The following XXYLT1 variants were observed in gnomAD, a reference collection of about 807,000 sequenced individuals.
XXYLT1 encodes UDP-xylose:alpha-xyloside alpha-1,3-xylosyltransferase.
XXYLT1 carries 20 observed loss-of-function variants against 28.9 expected under a neutral mutation model. The observed-to-expected ratio is 0.69, with a 90% CI of 0.49 to 1.00. XXYLT1 has a LOEUF of 1.00. Ranked by LOEUF, XXYLT1 falls within the 50% of genes least tolerant of loss-of-function variation. XXYLT1 has a pLI of 0.00. For missense variants in XXYLT1, 542 were observed against 560.1 expected (o/e 0.97, Z 0.33); for synonymous variants, 257 against 253.8 (o/e 1.01, Z -0.12).
At chr3:195,117,597 G>C (rs991437240) in intron 3 of XXYLT1, among the ~76,000 whole-genome samples, 1 of 151,870 alleles carries the variant, frequency 6.6e-6, no homozygotes, top group African/African-American at 2.4e-5. Context: ...ATTTGGTGTG[G>C]AGTAGGGGTC....
chr3:195,243,373 G>A (rs1724868504), intron 1 of XXYLT1, among the ~76,000 whole-genome samples: 1 of 150,824 alleles, frequency 6.6e-6, no homozygotes, highest in African/African-American at 2.4e-5. Flanking sequence ...AAAAAAAAGA[G>A]ATGGTTCGGG....
Position 195,072,887 on chromosome 3 carries a change from A to G in XXYLT1, c.786-2776T>C, listed in dbSNP as rs140933118. On this transcript the variant is annotated intron_variant, in intron 3 of 3. Transcript: ENST00000310380. ...AGGAATCGCATCAGCCTCGGGGTAG[A>G]AGGAATGGTACGGGGTGTGGACAGT... Among the ~76,000 whole-genome samples, 182 of 152,270 alleles carry G rather than the reference A, an allele frequency of 1.2e-3. 1 individual carries two copies. The highest frequency in any genetic ancestry group is 4.2e-3 in the African/African-American group (174 of 41,558).
At chr3:195,164,508 C>T (rs375477692) in intron 2 of XXYLT1, among the ~76,000 whole-genome samples, 2 of 152,336 alleles carry the variant, frequency 1.3e-5, no homozygotes, top group Non-Finnish European at 1.5e-5. Context: ...GCCTTGCCTC[C>T]CTGCATTTGT....
rs559934815 is a variant in XXYLT1 at position 195,167,747 on chromosome 3, G to C, written c.653-11166C>G. Among the ~76,000 whole-genome samples, 7 of 152,168 alleles carry C rather than the reference G, an allele frequency of 4.6e-5. No homozygotes were observed. In the East Asian group the frequency reaches 1.4e-3, roughly 29 times the overall value. On this transcript the variant is annotated intron_variant, in intron 2 of 3. Transcript: ENST00000310380. ...TGGGATCACCCACTTACGGTAGGTTGTGCCAAGCATATTGTTCCCTTCTAG... is the reference window on the plus strand; with the variant it reads ...TGGGATCACCCACTTACGGTAGGTTCTGCCAAGCATATTGTTCCCTTCTAG...
chr3:195,125,540 G>T (rs529269302), intron 3 of XXYLT1, among the ~76,000 whole-genome samples: 4 of 152,238 alleles, frequency 2.6e-5, no homozygotes, highest in Admixed American at 6.5e-5. Context: ...CCCAGGAAGG[G>T]CAGCAAAGGG....
chr3:195,246,437 G>A (rs1021248970), intron 1 of XXYLT1, among the ~76,000 whole-genome samples: 1 of 152,224 alleles, frequency 6.6e-6, no homozygotes, highest in Non-Finnish European at 1.5e-5. Context: ...AATACACAGT[G>A]TGTCTGTCTT....
intron 3 of XXYLT1, among the ~76,000 whole-genome samples, chr3:195,105,153 T>TACTATCACAA: frequency 6.6e-6 from 1 of 152,218 alleles, no homozygotes; most frequent in South Asian, 2.1e-4. Context: ...ATCACAAGAA[T>TACTATCACAA]GATAAAACCA....
chr3:195,070,055 G>T lies in XXYLT1; in HGVS notation c.842C>A (p.Pro281His). 6.3e-7 allele frequency: 1 copy of T among 1,597,106 alleles called. No homozygotes were observed. Among genetic ancestry groups the T allele is most frequent in the East Asian group, 2.2e-5 (1 of 44,864 alleles). ...GTTGAAGCCCGGCAGCCCCTCGGGGGGCGGGCCCCCAACCCGGGTCTGGGG... is the reference window on the plus strand; with the variant it reads ...GTTGAAGCCCGGCAGCCCCTCGGGGTGCGGGCCCCCAACCCGGGTCTGGGG... ...ENPQTRVGGPPPEGLPGFNSG... is the reference protein window; with the variant it reads ...ENPQTRVGGPHPEGLPGFNSG... Residue 281 changes from proline to histidine, a missense_variant, in exon 4 of 4, where the codon CCC becomes CAC. Pro to His is a moderately conservative substitution (Grantham distance 77). Transcript: ENST00000310380.
chr3:195,105,500 A>G (rs148917530), intron 3 of XXYLT1, among the ~76,000 whole-genome samples: 228 of 152,342 alleles, frequency 1.5e-3, no homozygotes, highest in African/African-American at 3.7e-3. Context: ...TGAAGTCCAC[A>G]GCAGGACTCA....
At chr3:195,111,998 T>A (rs995120600) in intron 3 of XXYLT1, among the ~76,000 whole-genome samples, 12 of 152,204 alleles carry the variant, frequency 7.9e-5, no homozygotes, top group African/African-American at 2.4e-4. Context: ...GGAACTCATT[T>A]CTTCTACAGT....
rs560792260 is a variant in XXYLT1, at chr3:195,184,225, A to C, written c.653-27644T>G. Reference sequence around the variant, plus strand: ...CCTTTTATTAAGAGTGAGTTAATTCAGTGCAAAAGAACAATGGACAAGCTT... The same window carrying C: ...CCTTTTATTAAGAGTGAGTTAATTCCGTGCAAAAGAACAATGGACAAGCTT... On this transcript the variant is annotated intron_variant, in intron 2 of 3. Transcript: ENST00000310380. Among the ~76,000 whole-genome samples the C allele has an allele frequency of 1.2e-4, 18 of 152,346 alleles. No homozygotes were observed. In the South Asian group the frequency reaches 2.5e-3, roughly 21 times the overall value.
intron 3 of XXYLT1, among the ~76,000 whole-genome samples, chr3:195,138,896 A>G (rs1719338484): frequency 1.3e-5 from 2 of 151,802 alleles, no homozygotes; most frequent in African/African-American, 4.8e-5. Context: ...GAAAGAAAGA[A>G]AAATGGGCTA....
At chr3:195,070,459 G>A (rs183939042) in intron 3 of XXYLT1, among the ~76,000 whole-genome samples, 4 of 152,032 alleles carry the variant, frequency 2.6e-5, no homozygotes, top group African/African-American at 9.7e-5. Flanking sequence ...CCAAGAAAAC[G>A]GACGCACAGA....
chr3:195,116,027 C>T (rs749912711), intron 3 of XXYLT1, among the ~76,000 whole-genome samples: 3 of 152,112 alleles, frequency 2.0e-5, no homozygotes, highest in Admixed American at 6.6e-5. Context: ...AGGTTGTTTA[C>T]GTGGACTTGA....
chr3:195,086,205 A>T (rs896120583), intron 3 of XXYLT1, among the ~76,000 whole-genome samples: 4 of 151,252 alleles, frequency 2.6e-5, no homozygotes, highest in Non-Finnish European at 5.9e-5. Context: ...TTGCTTTTAA[A>T]TTTTTCTTTT....
In XXYLT1 at chr3:195,129,193, G is replaced by T. The variant is rs1718782426; in HGVS notation, c.785+27256C>A. On this transcript the variant is annotated intron_variant, in intron 3 of 3. Coordinates refer to ENST00000310380, the MANE Select transcript of XXYLT1 (RefSeq NM_152531.5). The surrounding 1 kb of genome is among the most constrained non-coding windows in gnomAD (Gnocchi z 4.4). ...GAACACTGAAGTCTGCACTTATACGGCAGCCATTTACAACCTCCTGCCCTC... is the reference window on the plus strand; with the variant it reads ...GAACACTGAAGTCTGCACTTATACGTCAGCCATTTACAACCTCCTGCCCTC... Among the ~76,000 whole-genome samples, 1 of 152,070 alleles carries T rather than the reference G, an allele frequency of 6.6e-6. No homozygotes were observed. Among genetic ancestry groups the T allele is most frequent in the Non-Finnish European group, 1.5e-5 (1 of 68,020 alleles).
intron 2 of XXYLT1, among the ~76,000 whole-genome samples, chr3:195,205,760 G>A (rs1401712122): frequency 6.6e-6 from 1 of 152,196 alleles, no homozygotes; most frequent in Non-Finnish European, 1.5e-5. Flanking sequence ...CTACTCGGGA[G>A]GCTGAGGCAG....
At chr3:195,184,698 C>T (rs1722101346) in intron 2 of XXYLT1, 2 of 985,442 alleles carry the variant, frequency 2.0e-6, no homozygotes, top group African/African-American at 3.5e-5. Context: ...ACCCCACACA[C>T]AGCCGGTAAA....
chr3:195,187,375 G>T (rs1362846288), intron 2 of XXYLT1, among the ~76,000 whole-genome samples: 1 of 152,114 alleles, frequency 6.6e-6, no homozygotes, highest in Non-Finnish European at 1.5e-5. Context: ...CTGAAGCTTT[G>T]CTTCTCACTC....
Sources: gnomAD v4.1 joint callset for allele counts (sites outside exome capture counted in the v4.1 genomes callset) on GRCh38, gnomAD v4.1.1 for gene constraint, Gnocchi (gnomAD v3.1) non-coding constraint, MANE v1.5 for transcripts, NCBI Gene and HGNC (gene_info 2026-07-23, HGNC 2026-07-21) for gene names.